LHFPL3: variants seen among roughly 807,000 people sequenced by gnomAD.
LHFPL3 encodes the protein LHFPL tetraspan subfamily member 3 protein.
A neutral mutation model predicts 19.3 loss-of-function variants in LHFPL3; 5 were observed. The observed-to-expected ratio is 0.26, with a 90% CI of 0.14 to 0.54. LHFPL3 has a LOEUF of 0.54. Among genes scored for constraint, LHFPL3 ranks in the 20% least tolerant of loss-of-function variants. The probability of loss-of-function intolerance (pLI) is 0.94; values close to 1 mark genes in which losing one functional copy is unlikely to be tolerated. For missense variants in LHFPL3, 249 were observed against 307.4 expected, an observed-to-expected ratio of 0.81 and a Z score of 1.42; for synonymous variants, 133 against 126.2, an observed-to-expected ratio of 1.05 and a Z score of -0.36.
intron 1 of LHFPL3, among the ~76,000 whole-genome samples, chr7:104,414,332 T>A (rs1791583434): frequency 6.6e-6 from 1 of 151,956 alleles, no homozygotes; most frequent in Non-Finnish European, 1.5e-5. Context: ...TTGCAGCTGA[T>A]GAGATTTTCA....
chr7:104,501,229 C>T (rs1793592870), intron 1 of LHFPL3, among the ~76,000 whole-genome samples: 2 of 152,208 alleles, frequency 1.3e-5, no homozygotes, highest in East Asian at 1.9e-4. Flanking sequence ...GGTATATTTC[C>T]ACAGACTCTT....
intron 1 of LHFPL3, among the ~76,000 whole-genome samples, chr7:104,713,523 G>T (rs963839772): frequency 6.6e-6 from 1 of 152,016 alleles, no homozygotes; most frequent in Non-Finnish European, 1.5e-5. Flanking sequence ...GATCTCATGA[G>T]AACTCACTCA....
intron 1 of LHFPL3, among the ~76,000 whole-genome samples, chr7:104,591,286 T>G (rs374774535): frequency 1.4e-4 from 22 of 152,164 alleles, no homozygotes; most frequent in Non-Finnish European, 2.6e-4. Context: ...GCTTCCTTCA[T>G]GAGCTCTTGT....
At chr7:104,776,512 G>A (rs771632977) in intron 2 of LHFPL3, among the ~76,000 whole-genome samples, 3 of 152,172 alleles carry the variant, frequency 2.0e-5, no homozygotes, top group Non-Finnish European at 4.4e-5. Flanking sequence ...TGAAGTCTTG[G>A]AAGCCTCCAC....
intron 1 of LHFPL3, among the ~76,000 whole-genome samples, chr7:104,596,081 G>T (rs1345349996): frequency 6.6e-6 from 1 of 152,198 alleles, no homozygotes; most frequent in African/African-American, 2.4e-5. Flanking sequence ...TGTCCAATCA[G>T]TCCCAGTGAG....
intron 1 of LHFPL3, among the ~76,000 whole-genome samples, chr7:104,344,471 G>T (rs142447440): frequency 6.6e-6 from 1 of 152,010 alleles, no homozygotes; most frequent in Non-Finnish European, 1.5e-5. Flanking sequence ...TTGCCTTTGC[G>T]TACCTATACC....
chr7:104,828,809 TG>T (rs1463896012), intron 2 of LHFPL3, among the ~76,000 whole-genome samples: 1 of 151,572 alleles, frequency 6.6e-6, no homozygotes, highest in East Asian at 1.9e-4. Context: ...CCAAGGCAGG[TG>T]GATCACTTGA....
At chr7:104,530,805 G>C (rs1416132861) in intron 1 of LHFPL3, among the ~76,000 whole-genome samples, 1 of 152,144 alleles carries the variant, frequency 6.6e-6, no homozygotes, top group African/African-American at 2.4e-5. Context: ...AGATTGCAAT[G>C]ATAAACATTC....
At chr7:104,434,520 A>G (rs1301317261) in intron 1 of LHFPL3, among the ~76,000 whole-genome samples, 2 of 152,198 alleles carry the variant, frequency 1.3e-5, no homozygotes, top group African/African-American at 4.8e-5. Context: ...GTGATAGGCT[A>G]TTTTATTTTC....
intron 2 of LHFPL3, among the ~76,000 whole-genome samples, chr7:104,898,693 G>C (rs1486215029): frequency 1.3e-5 from 2 of 152,152 alleles, no homozygotes; most frequent in Non-Finnish European, 1.5e-5. Flanking sequence ...GGTGGTTCAT[G>C]CCTGTAATCC....
At chr7:104,594,999 G>T (rs183291837) in intron 1 of LHFPL3, among the ~76,000 whole-genome samples, 1 of 152,134 alleles carries the variant, frequency 6.6e-6, no homozygotes, top group African/African-American at 2.4e-5. Flanking sequence ...CTTTTAGCTC[G>T]GAGAAGTTTG....
rs146218526 is a variant in LHFPL3, at chr7:104,714,251, T to C, written c.446-22424T>C. Among the ~76,000 whole-genome samples, 427 of 152,318 alleles carry C rather than the reference T, an allele frequency of 2.8e-3. 2 individuals are homozygous for C. Among genetic ancestry groups the C allele is most frequent in the African/African-American group, 9.6e-3 (398 of 41,574 alleles). ...GTTTTGTTTTTGATACCTACTGCCTTTTTCAATTCAATTTCTCTAGAGACA... is the reference window on the plus strand; with the variant it reads ...GTTTTGTTTTTGATACCTACTGCCTCTTTCAATTCAATTTCTCTAGAGACA... On this transcript the variant is annotated intron_variant, in intron 1 of 2. Coordinates refer to ENST00000424859, the MANE Select transcript of LHFPL3 (RefSeq NM_199000.3).
intron 1 of LHFPL3, among the ~76,000 whole-genome samples, chr7:104,733,454 T>A (rs940547341): frequency 5.3e-5 from 8 of 152,242 alleles, no homozygotes; most frequent in Non-Finnish European, 1.2e-4. Context: ...TCTTGTTGAA[T>A]TCATCCCTTT....
intron 1 of LHFPL3, among the ~76,000 whole-genome samples, chr7:104,642,563 T>C (rs1299899424): frequency 2.6e-5 from 4 of 152,200 alleles, no homozygotes; most frequent in African/African-American, 9.7e-5. Context: ...TCAGTATAAG[T>C]TGTTTTTACA....
At chr7:104,691,305 A>G (rs1792901621) in intron 1 of LHFPL3, among the ~76,000 whole-genome samples, 1 of 152,164 alleles carries the variant, frequency 6.6e-6, no homozygotes, top group Admixed American at 6.5e-5. Flanking sequence ...CATTGTCCCT[A>G]CTTCTGTTAC....
chr7:104,395,693 C>T (rs1462357519), intron 1 of LHFPL3, among the ~76,000 whole-genome samples: 2 of 152,160 alleles, frequency 1.3e-5, no homozygotes, highest in African/African-American at 4.8e-5. Context: ...GTCTCAATTT[C>T]TGCTCTGTCC....
intron 1 of LHFPL3, chr7:104,668,915 A>C: frequency 6.2e-7 from 1 of 1,612,434 alleles, no homozygotes; most frequent in Non-Finnish European, 8.5e-7. Flanking sequence ...CGTCAGCTGG[A>C]TGGGCCAAAA....
chr7:104,702,806 C>A (rs193149709), intron 1 of LHFPL3, among the ~76,000 whole-genome samples: 3 of 151,578 alleles, frequency 2.0e-5, no homozygotes, highest in Non-Finnish European at 4.4e-5. Flanking sequence ...GAGGTAGGAT[C>A]CCTCTTTCTC....
intron 2 of LHFPL3, among the ~76,000 whole-genome samples, chr7:104,874,918 G>A (rs530613939): frequency 4.3e-5 from 6 of 138,950 alleles, no homozygotes; most frequent in Non-Finnish European, 8.0e-5. Context: ...GAGATCCTAG[G>A]TCATTGCCCC....
Sources: allele counts gnomAD v4.1 joint callset (sites outside exome capture counted in the v4.1 genomes callset), GRCh38; gene constraint gnomAD v4.1.1; transcripts MANE v1.5; gene names NCBI Gene and HGNC (gene_info 2026-07-23, HGNC 2026-07-21).